Variants in TNS2 observed in about 807,000 individuals in gnomAD.
The protein encoded by TNS2 is tensin 2, also known as tensin-2.
In TNS2, 77 loss-of-function variants were observed where a neutral mutation model predicts 155.7. The observed-to-expected ratio is 0.49, with a 90% CI of 0.41 to 0.60. The LOEUF is 0.60. TNS2 is among the 20% of genes least tolerant of loss of function. TNS2 has a pLI of 0.00. For missense variants in TNS2, 1,703 were observed against 1,868.8 expected (o/e 0.91, Z 1.64); for synonymous variants, 726 against 763.9 (o/e 0.95, Z 0.82).
In TNS2 at chr12:53,060,395, T is replaced by C. The variant is rs767639385; in HGVS notation, c.2618-10T>C. 2 of 1,610,712 alleles carry C rather than the reference T, an allele frequency of 1.2e-6. No individual in the cohort carries two copies. The highest frequency in any genetic ancestry group is 2.2e-5 in the South Asian group (2 of 90,946). On this transcript the variant is annotated splice_polypyrimidine_tract_variant and intron_variant, in intron 18 of 28. Coordinates refer to ENST00000314250, the MANE Select transcript of TNS2 (RefSeq NM_170754.4). The surrounding 1 kb of genome is among the most constrained non-coding windows in gnomAD (Gnocchi z 6.1). The stretch of plus-strand genomic sequence containing the variant: ...TCCTGCTCACAGCCCACCTCTCCCC[T>C]TCACTGCAGAGTCGCTGGAGCCGGT...
chr12:53,049,944 G>C, upstream of TNS2: 2 of 1,032,512 alleles, frequency 1.9e-6, no homozygotes, highest in South Asian at 3.4e-5. Flanking sequence ...GTAGATCCTG[G>C]GAATCTGATC....
At chr12:53,061,350 G>C (rs755024513) in intron 20 of TNS2, 30 bp from the exon 21 acceptor site, 2 of 1,613,536 alleles carry the variant, frequency 1.2e-6, no homozygotes, top group Non-Finnish European at 1.7e-6. Context: ...GGGTACCCTG[G>C]GGTCTGAACC....
intron 8 of TNS2, 23 bp from the exon 9 acceptor site, chr12:53,055,545 T>C (rs747047262): frequency 9.5e-6 from 15 of 1,583,054 alleles, no homozygotes; most frequent in African/African-American, 1.3e-5. Context: ...CCGGCCCCAG[T>C]TGCACCCCTG....
chr12:53,049,778 C>G (rs1270929255), upstream of TNS2: 3 of 273,128 alleles, frequency 1.1e-5, no homozygotes, highest in Non-Finnish European at 2.1e-5. Flanking sequence ...GCCCCGAGAC[C>G]AGAATTCTCA....
intron 7 of TNS2, 110 bp from the exon 8 acceptor site, chr12:53,055,076 G>T: frequency 7.7e-7 from 1 of 1,303,304 alleles, no homozygotes; most frequent in South Asian, 1.2e-5. Context: ...GAGTTACTGC[G>T]ACCGGCCTGC....
intron 2 of TNS2, 176 bp downstream of exon 2, chr12:53,052,139 A>C: frequency 1.6e-6 from 1 of 618,108 alleles, no homozygotes; most frequent in Non-Finnish European, 2.8e-6. Context: ...CCCATGACAG[A>C]CACCTCCCAT....
Position 53,058,588 on chromosome 12 carries a change from C to T in TNS2, c.1242C>T (p.Phe414=). The change falls in exon 16 of 29, where the codon TTC becomes TTT. Residue 414 remains phenylalanine, a synonymous_variant. Transcript: ENST00000314250. ...DEAWTDERFP[F]QASVEFVFSS... is the part of the protein sequence containing the mutation. ...TCCCCATAGATGAGAGGTTCCCCTT[C>T]CAAGCCTCCGTGGAGTTTGTCTTCT... 6.2e-7 allele frequency: 1 copy of T among 1,614,130 alleles called. No homozygotes were observed. Among genetic ancestry groups the T allele is most frequent in the Non-Finnish European group, 8.5e-7 (1 of 1,180,000 alleles).
chr12:53,063,485 A>AGCCCCAGCCCCG lies in TNS2; in HGVS notation c.4062-72_4062-61dup. The AGCCCCAGCCCCG allele has an allele frequency of 1.9e-6, 3 of 1,574,752 alleles. No individual in the cohort carries two copies. Among genetic ancestry groups the AGCCCCAGCCCCG allele is most frequent in the Non-Finnish European group, 2.6e-6 (3 of 1,156,728 alleles). ...CCACCAGGTCCCAGCTCCCAGCCCC[A>AGCCCCAGCCCCG]GCCCCAGCCCCGGCCCCGGCCCCCC... On this transcript the variant is annotated intron_variant, in intron 27 of 28. Coordinates refer to ENST00000314250, the MANE Select transcript of TNS2 (RefSeq NM_170754.4). This position sits in a 1 kb window ranked among gnomAD's most constrained non-coding sequence, Gnocchi z 5.6.
In TNS2 at chr12:53,054,428, G is replaced by T. The variant is rs377494431; in HGVS notation, c.509G>T (p.Arg170Leu). ...GCCCATGTGCTGCAATCCAAGCACC[G>T]GGACAAGTACCTGGTGAGGGGCGGG... The part of the protein sequence containing the change: ...ELAHVLQSKH[R>L]DKYLLFNLSE... The change falls in exon 7 of 29, where the codon CGG becomes CTG. Residue 170 changes from arginine (R) to leucine (L), a missense_variant. Transcript: ENST00000314250. 1.9e-6 allele frequency: 3 copies of T among 1,604,160 alleles called. No individual in the cohort carries two copies. Among genetic ancestry groups the T allele is most frequent in the Non-Finnish European group, 8.5e-7 (1 of 1,177,216 alleles).
At position 53,059,120 on chromosome 12, in the gene TNS2, C is replaced by T. The variant is rs370836548; in HGVS notation, c.1479C>T (p.Thr493=). Residue 493 remains threonine, a synonymous_variant, in exon 18 of 29, where the codon ACC becomes ACT. Coordinates refer to ENST00000314250, the MANE Select transcript of TNS2 (RefSeq NM_170754.4). This position sits in a 1 kb window ranked among gnomAD's most constrained non-coding sequence, Gnocchi z 4.7. Reference sequence around the variant, plus strand: ...AGGTGCAGCGGCCTCCCCGGCAGACCCCCCCGGCACCCTCTCCAGAGCCTC... The same window carrying T: ...AGGTGCAGCGGCCTCCCCGGCAGACTCCCCCGGCACCCTCTCCAGAGCCTC... ...YAQVQRPPRQ[T]PPAPSPEPPP... The T allele has an allele frequency of 1.9e-6, 3 of 1,552,884 alleles. No individual in the cohort carries two copies. The highest frequency in any genetic ancestry group is 1.2e-5 in the South Asian group (1 of 80,508).
intron 3 of TNS2, 36 bp from the exon 4 acceptor site, chr12:53,053,375 A>G: frequency 6.2e-7 from 1 of 1,613,640 alleles, no homozygotes; most frequent in Non-Finnish European, 8.5e-7. Context: ...AGAGCCCTTC[A>G]CCAGGAGCTC....
Position 53,054,006 on chromosome 12 carries a change from T to C in TNS2, c.342T>C (p.Thr114=), listed in dbSNP as rs1443981625. 1 of 1,614,042 alleles carries C rather than the reference T, an allele frequency of 6.2e-7. No homozygotes were observed. Among genetic ancestry groups the C allele is most frequent in the Non-Finnish European group, 8.5e-7 (1 of 1,180,026 alleles). Residue 114 remains threonine, a synonymous_variant, in exon 6 of 29, where the codon ACT becomes ACC. Coordinates refer to ENST00000314250, the MANE Select transcript of TNS2 (RefSeq NM_170754.4). ...TGAACCACTCAAAGCAGCGCAGCAC[T>C]CTGCCCAGGTAAGTGAGGGTGCTGG... ...KSLNHSKQRS[T]LPRSFSLDPL...
chr12:53,064,271 G>A lies in TNS2; in HGVS notation c.*389G>A, dbSNP rs1944476700. ...GGGATGGGAGAGGGGTGGGGAGCGA[G>A]TCACTGCCTCCTCTGAGCAGAGATT... On this transcript the variant is annotated 3_prime_UTR_variant, in exon 29 of 29. Transcript: ENST00000314250. 1 of 213,492 alleles carries A rather than the reference G, an allele frequency of 4.7e-6. No homozygotes were observed. The highest frequency in any genetic ancestry group is 2.3e-5 in the African/African-American group (1 of 43,620). The allele number at this position is 213,492 out of a possible 1,614,324, so 13.2% of individuals were successfully genotyped here.
At position 53,059,634 on chromosome 12, in the gene TNS2, G is replaced by T. The variant is rs1944304921; in HGVS notation, c.1993G>T (p.Asp665Tyr). Reference sequence around the variant, plus strand: ...TGAGATGGGGAAACCAGCCACTGGGGACTTTGGCTACCGCGCCCCAGGCTA... The same window carrying T: ...TGAGATGGGGAAACCAGCCACTGGGTACTTTGGCTACCGCGCCCCAGGCTA... ...PPEMGKPATGDFGYRAPGYRE... is the reference protein window; with the variant it reads ...PPEMGKPATGYFGYRAPGYRE... The change falls in exon 18 of 29, where the codon GAC becomes TAC. Residue 665 changes from aspartate to tyrosine, a missense_variant. Transcript: ENST00000314250. This position sits in a 1 kb window ranked among gnomAD's most constrained non-coding sequence, Gnocchi z 4.7. 6.2e-7 allele frequency: 1 copy of T among 1,613,144 alleles called. No homozygotes were observed. The highest frequency in any genetic ancestry group is 8.5e-7 in the Non-Finnish European group (1 of 1,179,824).
intron 3 of TNS2, chr12:53,053,170 A>G: frequency 1.9e-6 from 1 of 529,766 alleles, no homozygotes; most frequent in Non-Finnish European, 3.3e-6. Flanking sequence ...CTACAGCTGG[A>G]TGAATGGGGG....
chr12:53,062,156 A>T lies in TNS2; in HGVS notation c.3578A>T (p.Asp1193Val). Residue 1193 changes from aspartate to valine, a missense_variant, in exon 23 of 29, where the codon GAC (aspartate) becomes GTC (valine). Asp to Val is a radical substitution (Grantham distance 152). Coordinates refer to ENST00000314250, the MANE Select transcript of TNS2 (RefSeq NM_170754.4). ...TCTTCCCCTCGCCTCCTCTCAGGGG[A>T]CCCCGTGGAACAGCTGGTCCGCCAT... ...PPPSAQPWKGDPVEQLVRHFL... is the reference protein window; with the variant it reads ...PPPSAQPWKGVPVEQLVRHFL... 1 of 1,613,892 alleles carries T rather than the reference A, an allele frequency of 6.2e-7. No homozygotes were observed. Among genetic ancestry groups the T allele is most frequent in the South Asian group, 1.1e-5 (1 of 91,074 alleles).
In TNS2 at chr12:53,063,509, C is replaced by A. The variant is rs545615223; in HGVS notation, c.4062-54C>A. 21 of 1,613,186 alleles carry A rather than the reference C, an allele frequency of 1.3e-5. No homozygotes were observed. In the African/African-American group the frequency reaches 2.0e-4, roughly 15 times the overall value. On this transcript the variant is annotated intron_variant, in intron 27 of 28. Coordinates refer to ENST00000314250, the MANE Select transcript of TNS2 (RefSeq NM_170754.4). This position sits in a 1 kb window ranked among gnomAD's most constrained non-coding sequence, Gnocchi z 5.6. ...CAGCCCCAGCCCCGGCCCCGGCCCCCCTTCAGCAGCTGTCCCCTGGGGTGT... is the reference window on the plus strand; with the variant it reads ...CAGCCCCAGCCCCGGCCCCGGCCCCACTTCAGCAGCTGTCCCCTGGGGTGT...
At chr12:53,047,886 T>C (rs1194192348), upstream of TNS2, among the ~76,000 whole-genome samples, 1 of 152,104 alleles carries the variant, frequency 6.6e-6, no homozygotes, top group Non-Finnish European at 1.5e-5. Context: ...CCTCCCTCGC[T>C]CCTTCCCTGG....
chr12:53,054,399 G>A lies in TNS2; in HGVS notation c.480G>A (p.Glu160=), dbSNP rs1944057278. The change falls in exon 7 of 29, where the codon GAG becomes GAA. Residue 160 remains glutamate, a synonymous_variant. Coordinates refer to ENST00000314250, the MANE Select transcript of TNS2 (RefSeq NM_170754.4). ...AGCGGCACCGGGGCCACCTGCGCGA[G>A]CTGGCCCATGTGCTGCAATCCAAGC... ...DEQRHRGHLR[E]LAHVLQSKHR... 1 of 1,609,912 alleles carries A rather than the reference G, an allele frequency of 6.2e-7. No homozygotes were observed. The highest frequency in any genetic ancestry group is 8.5e-7 in the Non-Finnish European group (1 of 1,179,082).
Sources: allele counts gnomAD v4.1 joint callset (sites outside exome capture counted in the v4.1 genomes callset), GRCh38; gene constraint gnomAD v4.1.1; non-coding constraint Gnocchi (gnomAD v3.1); transcripts MANE v1.5; gene names NCBI Gene and HGNC (gene_info 2026-07-23, HGNC 2026-07-21).